The following CDH12 variants were observed in gnomAD, a reference collection of about 807,000 sequenced individuals.
CDH12 encodes cadherin-12.
In CDH12, 41 loss-of-function variants were observed where a neutral mutation model predicts 74.1. The ratio of observed to expected loss-of-function variants is 0.55; its 90% CI spans 0.43 to 0.72. The LOEUF is 0.72. Ranked by LOEUF, CDH12 falls within the 30% of genes least tolerant of loss-of-function variation. The pLI is 0.00. For missense variants in CDH12, 945 were observed against 977.2 expected (o/e 0.97, Z 0.44); for synonymous variants, 399 against 355.0 (o/e 1.12, Z -1.39).
chr5:21,795,940 C>CT (rs890000368), intron 10 of CDH12, among the ~76,000 whole-genome samples: 47 of 152,050 alleles, frequency 3.1e-4, no homozygotes, highest in Admixed American at 1.9e-3. Flanking sequence ...GGTAAAAAGA[C>CT]TAGATTTGGA....
intron 2 of CDH12, among the ~76,000 whole-genome samples, chr5:22,427,999 T>C (rs1024483901): frequency 1.3e-5 from 2 of 152,192 alleles, no homozygotes; most frequent in African/African-American, 4.8e-5. Context: ...GAGGGACTAC[T>C]AGTAGGTTCT....
rs563547011 is a variant in CDH12, at chr5:21,947,542, G to A, written c.526+27549C>T. Among the ~76,000 whole-genome samples the A allele has an allele frequency of 1.2e-4, 19 of 152,304 alleles. No homozygotes were observed. The South Asian group carries it at 1.5e-3, about 12-fold the overall frequency. The stretch of plus-strand genomic sequence containing the variant: ...TTTGCCCCTGTCCTAGAGATCTGTG[G>A]AACTTTTAATTTGAGAAACATTATC... On this transcript the variant is annotated intron_variant, in intron 6 of 14. Coordinates refer to ENST00000382254, the MANE Select transcript of CDH12 (RefSeq NM_004061.5).
At chr5:22,702,870 G>A (rs192293843) in intron 1 of CDH12, among the ~76,000 whole-genome samples, 103 of 152,032 alleles carry the variant, frequency 6.8e-4, no homozygotes, top group East Asian at 3.3e-3. Flanking sequence ...ATCTTTTCCC[G>A]AAAACCTTAC....
At chr5:21,825,415 A>G (rs890470532) in intron 8 of CDH12, among the ~76,000 whole-genome samples, 1 of 152,098 alleles carries the variant, frequency 6.6e-6, no homozygotes, top group African/African-American at 2.4e-5. Context: ...ACATTTTGCT[A>G]TTTTTAAAGA....
chr5:22,145,563 A>G (rs1435808788), intron 4 of CDH12, among the ~76,000 whole-genome samples: 1 of 152,106 alleles, frequency 6.6e-6, no homozygotes, highest in Non-Finnish European at 1.5e-5. Flanking sequence ...TAACTCTTCC[A>G]AAGAATAAAC....
intron 4 of CDH12, among the ~76,000 whole-genome samples, chr5:22,200,111 TC>T (rs1327224544): frequency 1.3e-5 from 2 of 152,060 alleles, no homozygotes; most frequent in Admixed American, 1.3e-4. Context: ...TTACCTCACT[TC>T]ATATAAAGGA....
At chr5:22,557,910 A>G (rs1448158851) in intron 1 of CDH12, among the ~76,000 whole-genome samples, 1 of 152,086 alleles carries the variant, frequency 6.6e-6, no homozygotes, top group Non-Finnish European at 1.5e-5. Context: ...TTCAGTTTGG[A>G]AAGTAAATAT....
At chr5:22,354,690 T>C (rs1375516344) in intron 3 of CDH12, among the ~76,000 whole-genome samples, 1 of 152,160 alleles carries the variant, frequency 6.6e-6, no homozygotes, top group East Asian at 1.9e-4. Flanking sequence ...CCAAAGGCAG[T>C]GCTCTCAAAT....
intron 4 of CDH12, among the ~76,000 whole-genome samples, chr5:22,183,340 G>T (rs1024158452): frequency 1.1e-4 from 17 of 152,154 alleles, no homozygotes; most frequent in Admixed American, 2.6e-4. Context: ...TGTTATTGGA[G>T]CTAGACAGGC....
chr5:22,221,205 G>C (rs756024395), intron 3 of CDH12, among the ~76,000 whole-genome samples: 51 of 151,824 alleles, frequency 3.4e-4, no homozygotes, highest in Non-Finnish European at 3.5e-4. Context: ...CTTTTAATCT[G>C]CTTATTCAAA....
At chr5:22,552,783 A>T (rs978646687) in intron 1 of CDH12, among the ~76,000 whole-genome samples, 1 of 152,136 alleles carries the variant, frequency 6.6e-6, no homozygotes, top group Non-Finnish European at 1.5e-5. Context: ...TTCATCGATC[A>T]CATTGTACCG....
At chr5:21,995,831 AACT>A (rs1736256157) in intron 5 of CDH12, among the ~76,000 whole-genome samples, 1 of 151,986 alleles carries the variant, frequency 6.6e-6, no homozygotes, top group Non-Finnish European at 1.5e-5. Flanking sequence ...AAAAGCCCAC[AACT>A]ACTGCTGTAT....
chr5:22,692,211 T>C (rs1373060838), intron 1 of CDH12, among the ~76,000 whole-genome samples: 1 of 152,200 alleles, frequency 6.6e-6, no homozygotes, highest in Non-Finnish European at 1.5e-5. Context: ...TCTTCCACCA[T>C]GAACTGAAGC....
intron 6 of CDH12, among the ~76,000 whole-genome samples, chr5:21,856,457 A>G (rs1750758146): frequency 6.6e-6 from 1 of 151,838 alleles, no homozygotes; most frequent in Non-Finnish European, 1.5e-5. Context: ...GAGGAAAATG[A>G]AAGTATTATA....
chr5:22,768,844 C>T (rs1746658380), intron 1 of CDH12, among the ~76,000 whole-genome samples: 1 of 151,758 alleles, frequency 6.6e-6, no homozygotes, highest in South Asian at 2.1e-4. Context: ...AATTTAAATC[C>T]CAGTATAAAA....
intron 10 of CDH12, among the ~76,000 whole-genome samples, chr5:21,791,609 A>G (rs567913042): frequency 1.3e-5 from 2 of 150,938 alleles, no homozygotes; most frequent in Admixed American, 6.6e-5. Context: ...AAGTGAAAAA[A>G]CGATTATATG....
chr5:22,756,646 T>C (rs1745931648), intron 1 of CDH12, among the ~76,000 whole-genome samples: 1 of 152,194 alleles, frequency 6.6e-6, no homozygotes, highest in African/African-American at 2.4e-5. Context: ...AGACTATCGC[T>C]AAGTCTTTCA....
chr5:22,047,274 C>A (rs1288744877), intron 5 of CDH12, among the ~76,000 whole-genome samples: 1 of 152,166 alleles, frequency 6.6e-6, no homozygotes, highest in African/African-American at 2.4e-5. Flanking sequence ...TCATTCTATT[C>A]TCTCTTACTG....
At chr5:22,480,719 C>G (rs948556370) in intron 2 of CDH12, among the ~76,000 whole-genome samples, 4 of 152,152 alleles carry the variant, frequency 2.6e-5, no homozygotes, top group African/African-American at 7.2e-5. Flanking sequence ...AAGGTGTTGC[C>G]GATCAATAGG....
Sources: allele counts gnomAD v4.1 joint callset (sites outside exome capture counted in the v4.1 genomes callset), GRCh38; gene constraint gnomAD v4.1.1; transcripts MANE v1.5; gene names NCBI Gene and HGNC (gene_info 2026-07-23, HGNC 2026-07-21).